The following TYW1 variants were observed in gnomAD, a reference collection of about 807,000 sequenced individuals.
The protein encoded by TYW1 is tRNA-yW synthesizing protein 1 homolog, also known as S-adenosyl-L-methionine-dependent tRNA 4-demethylwyosine synthase TYW1.
Under a neutral mutation model 96.2 loss-of-function variants are expected in TYW1, and 46 were observed. The ratio of observed to expected loss-of-function variants is 0.48; its 90% CI spans 0.38 to 0.61. TYW1 has a LOEUF of 0.61. Ranked by LOEUF, TYW1 falls within the 20% of genes least tolerant of loss-of-function variation. The probability of loss-of-function intolerance (pLI) is 0.00; values close to 1 mark genes in which losing one functional copy is unlikely to be tolerated. For missense variants in TYW1, 684 were observed against 909.6 expected, an observed-to-expected ratio of 0.75 and a Z score of 3.19; for synonymous variants, 274 against 323.0, an observed-to-expected ratio of 0.85 and a Z score of 1.63.
chr7:67,007,933 C>T (rs1793659531), intron 3 of TYW1, among the ~76,000 whole-genome samples: 2 of 152,132 alleles, frequency 1.3e-5, no homozygotes, highest in Admixed American at 1.3e-4. Context: ...CCACGCCTGG[C>T]CAACCTGTCC....
chr7:67,112,664 C>CTT (rs1211963721), intron 12 of TYW1, among the ~76,000 whole-genome samples: 1 of 151,628 alleles, frequency 6.6e-6, no homozygotes. Flanking sequence ...ATACAAACAG[C>CTT]TTTGTAAGTC....
intron 10 of TYW1, among the ~76,000 whole-genome samples, chr7:67,072,177 C>T (rs1796048473): frequency 6.7e-6 from 1 of 149,376 alleles, no homozygotes; most frequent in Non-Finnish European, 1.5e-5. Context: ...TTGTTTACCT[C>T]AACTATAATT....
At position 67,069,197 on chromosome 7, in the gene TYW1, A is replaced by G. The variant is rs143217256; in HGVS notation, c.1274+1794A>G. On this transcript the variant is annotated intron_variant, in intron 10 of 15. Coordinates refer to ENST00000359626, the MANE Select transcript of TYW1 (RefSeq NM_018264.4). ...ACAAATAAATTTTAGCAAGTAGACA[A>G]TGTTACAAATATGAAATCAGATATT... Among the ~76,000 whole-genome samples, 470 of 152,298 alleles carry G rather than the reference A, an allele frequency of 3.1e-3. 1 individual carries two copies. The highest frequency in any genetic ancestry group is 5.0e-3 in the Non-Finnish European group (338 of 68,030).
chr7:67,237,392 C>T (rs1208875357), intron 15 of TYW1, among the ~76,000 whole-genome samples: 3 of 150,786 alleles, frequency 2.0e-5, no homozygotes, highest in South Asian at 2.1e-4. Context: ...CCCAGCTACT[C>T]GGGAGGCTGA....
chr7:67,138,245 T>A (rs1262168868), intron 13 of TYW1, among the ~76,000 whole-genome samples: 1 of 152,178 alleles, frequency 6.6e-6, no homozygotes, highest in Non-Finnish European at 1.5e-5. Context: ...GAGTGTTTAT[T>A]CTCTAGACCA....
At chr7:67,166,089 A>T (rs1187156707) in intron 13 of TYW1, among the ~76,000 whole-genome samples, 5 of 151,720 alleles carry the variant, frequency 3.3e-5, no homozygotes, top group Admixed American at 6.6e-5. Context: ...AAAATTAAAA[A>T]TAAAAAAATA....
intron 13 of TYW1, among the ~76,000 whole-genome samples, chr7:67,145,046 G>A (rs2116131261): frequency 6.7e-6 from 1 of 149,432 alleles, no homozygotes; most frequent in East Asian, 1.9e-4. Context: ...AGCAGTTGAT[G>A]TGAATCTTGT....
intron 13 of TYW1, among the ~76,000 whole-genome samples, chr7:67,173,751 A>G (rs1408889073): frequency 6.7e-6 from 1 of 148,402 alleles, no homozygotes; most frequent in African/African-American, 2.5e-5. Context: ...GCCATTAAGT[A>G]TGATGTTAGC....
At chr7:67,039,028 T>A (rs1461078994) in intron 7 of TYW1, among the ~76,000 whole-genome samples, 1 of 152,180 alleles carries the variant, frequency 6.6e-6, no homozygotes, top group Admixed American at 6.5e-5. Context: ...TAAAAAAAAT[T>A]GTGAAATCTG....
chr7:67,122,979 G>C (rs1255259153), intron 13 of TYW1, among the ~76,000 whole-genome samples: 1 of 152,170 alleles, frequency 6.6e-6, no homozygotes, highest in Non-Finnish European at 1.5e-5. Context: ...AGAAGCATAA[G>C]ATAATGGTAC....
At chr7:67,112,120 A>AAAAAAAAAAAAAAAAAG (rs1424171580) in intron 12 of TYW1, among the ~76,000 whole-genome samples, 23 of 148,778 alleles carry the variant, frequency 1.5e-4, no homozygotes, top group Non-Finnish European at 3.1e-4. Context: ...AAAAAAAAAA[A>AAAAAAAAAAAAAAAAAG]AAAGAAAGTG....
intron 13 of TYW1, among the ~76,000 whole-genome samples, chr7:67,126,851 C>G (rs1462769073): frequency 6.6e-6 from 1 of 152,176 alleles, no homozygotes; most frequent in Non-Finnish European, 1.5e-5. Context: ...GCAACAATAT[C>G]ACATACATTT....
chr7:67,038,259 C>T (rs530438117), intron 7 of TYW1, among the ~76,000 whole-genome samples: 106 of 152,012 alleles, frequency 7.0e-4, no homozygotes, highest in African/African-American at 2.4e-3. Flanking sequence ...GCCTAGATTA[C>T]GCCACTGCAC....
At position 67,128,440 on chromosome 7, in the gene TYW1, T is replaced by A. The variant is rs972380949; in HGVS notation, c.1698+10822T>A. Among the ~76,000 whole-genome samples, 14 of 152,308 alleles carry A rather than the reference T, an allele frequency of 9.2e-5. 1 individual carries two copies. The South Asian group carries it at 1.9e-3, about 20-fold the overall frequency. On this transcript the variant is annotated intron_variant, in intron 13 of 15. Transcript: ENST00000359626. The stretch of plus-strand genomic sequence containing the variant: ...TGTCTATCTGTTCTTGTGTGCTGTG[T>A]ACTTTATCCACTGGAGCCCTTTGCA...
Position 67,013,821 on chromosome 7 carries a change from G to A in TYW1, c.376-546G>A, listed in dbSNP as rs1382448541. Among the ~76,000 whole-genome samples the A allele has an allele frequency of 2.1e-4, 30 of 139,834 alleles. 1 individual carries two copies. Among genetic ancestry groups the A allele is most frequent in the Non-Finnish European group, 2.8e-4 (19 of 66,724 alleles). 91.7% of individuals were successfully genotyped at this position (139,834 alleles called of 152,430 possible). ...TGCAGTGACGTGATCTTGGCTCGCT[G>A]CAAGCTCTGCCTCCTGGATTCATGC... On this transcript the variant is annotated intron_variant, in intron 4 of 15. Transcript: ENST00000359626.
intron 14 of TYW1, 119 bp downstream of exon 14, chr7:67,183,355 T>C (rs1332724280): frequency 2.6e-5 from 22 of 839,692 alleles, no homozygotes; most frequent in Non-Finnish European, 3.9e-5. Context: ...TTTATTGATG[T>C]ATTCATTTCG....
chr7:67,103,115 G>A (rs571641701), intron 12 of TYW1, among the ~76,000 whole-genome samples: 1 of 152,290 alleles, frequency 6.6e-6, no homozygotes, highest in East Asian at 1.9e-4. Flanking sequence ...CAAAAAGTGG[G>A]CACGTCTTTG....
intron 12 of TYW1, among the ~76,000 whole-genome samples, chr7:67,099,602 C>T (rs13309303): frequency 6.6e-6 from 1 of 152,224 alleles, no homozygotes; most frequent in African/African-American, 2.4e-5. Flanking sequence ...TGGTATGCAA[C>T]TGGGGAGACA....
At chr7:67,034,094 A>G (rs1233301555) in intron 7 of TYW1, among the ~76,000 whole-genome samples, 2 of 137,480 alleles carry the variant, frequency 1.5e-5, no homozygotes, top group Admixed American at 8.0e-5. Flanking sequence ...TAATTTATTT[A>G]TTTATTTTTA....
Sources: gnomAD v4.1 joint callset for allele counts (sites outside exome capture counted in the v4.1 genomes callset) on GRCh38, gnomAD v4.1.1 for gene constraint, MANE v1.5 for transcripts, NCBI Gene and HGNC (gene_info 2026-07-23, HGNC 2026-07-21) for gene names.